NDEL1: variants seen among roughly 807,000 people sequenced by gnomAD.
The protein encoded by NDEL1 is nudE neurodevelopment protein 1 like 1, also known as nuclear distribution protein nudE-like 1.
In NDEL1, 9 loss-of-function variants were observed where a neutral mutation model predicts 45.7. The observed-to-expected ratio is 0.20, with a 90% CI of 0.12 to 0.34. The LOEUF is 0.34. Among genes scored for constraint, NDEL1 ranks in the 10% least tolerant of loss-of-function variants. The pLI, the probability that NDEL1 is intolerant of heterozygous loss-of-function variation, is 1.00. For missense variants in NDEL1, 306 were observed against 406.2 expected (o/e 0.75, Z 2.12); for synonymous variants, 133 against 158.6 (o/e 0.84, Z 1.21).
intron 4 of NDEL1, among the ~76,000 whole-genome samples, chr17:8,447,967 T>C (rs1372407418): frequency 2.0e-5 from 1 of 49,876 alleles, no homozygotes; most frequent in Non-Finnish European, 3.8e-5. Flanking sequence ...GCCAGATTGG[T>C]TGCGGGGAGG....
At chr17:8,461,696 C>A (rs16957296) in intron 8 of NDEL1, among the ~76,000 whole-genome samples, 1 of 152,108 alleles carries the variant, frequency 6.6e-6, no homozygotes, top group African/African-American at 2.4e-5. Context: ...TTTACATGAG[C>A]GTAGCCATTT....
chr17:8,421,262 G>A (rs1002031708), intron 1 of NDEL1, among the ~76,000 whole-genome samples: 9 of 152,146 alleles, frequency 5.9e-5, no homozygotes, highest in Non-Finnish European at 1.2e-4. Flanking sequence ...CAGAATAATA[G>A]GCCCCCCAAA....
chr17:8,428,023 T>C (rs1908882808), intron 1 of NDEL1, among the ~76,000 whole-genome samples: 1 of 152,214 alleles, frequency 6.6e-6, no homozygotes. Flanking sequence ...TATGAAGCCC[T>C]ATTTTCACTC....
At chr17:8,470,188 C>T (rs903915179), downstream of NDEL1, among the ~76,000 whole-genome samples, 9 of 152,160 alleles carry the variant, frequency 5.9e-5, no homozygotes, top group Admixed American at 5.2e-4. The surrounding 1 kb of genome is among the most constrained non-coding windows in gnomAD (Gnocchi z 4.2). Context: ...GTACCGTTTG[C>T]CTGTCTAGCT....
At chr17:8,418,160 TG>T (rs1239731775) in intron 1 of NDEL1, among the ~76,000 whole-genome samples, 1 of 152,216 alleles carries the variant, frequency 6.6e-6, no homozygotes, top group African/African-American at 2.4e-5. Flanking sequence ...AAAATCCTGT[TG>T]ACATCCCTTG....
chr17:8,414,120 G>A (rs964566830), intron 1 of NDEL1, among the ~76,000 whole-genome samples: 2 of 151,748 alleles, frequency 1.3e-5, no homozygotes, highest in African/African-American at 4.8e-5. Context: ...TATCTACCTT[G>A]TCCTTTTTAA....
At chr17:8,419,315 AAT>A (rs1237966686) in intron 1 of NDEL1, among the ~76,000 whole-genome samples, 2 of 152,366 alleles carry the variant, frequency 1.3e-5, no homozygotes, top group East Asian at 3.8e-4. Context: ...CAAAAAAGAA[AAT>A]ATGAATTACT....
At chr17:8,443,067 C>A (rs1380325943) in intron 1 of NDEL1, among the ~76,000 whole-genome samples, 1 of 152,198 alleles carries the variant, frequency 6.6e-6, no homozygotes, top group South Asian at 2.1e-4. Context: ...GCATGAGCCA[C>A]CACACCTAGC....
intron 1 of NDEL1, among the ~76,000 whole-genome samples, chr17:8,420,045 T>C (rs138235332): frequency 3.7e-4 from 57 of 152,336 alleles, no homozygotes; most frequent in African/African-American, 1.3e-3. Flanking sequence ...CGCAGTCTCA[T>C]GTGTCCTTGG....
rs760120865 is a variant in NDEL1, at chr17:8,450,843, G to C, written c.590G>C (p.Ser197Thr). The C allele has an allele frequency of 7.4e-6, 12 of 1,612,898 alleles. No individual in the cohort carries two copies. Among genetic ancestry groups the C allele is most frequent in the Middle Eastern group, 3.3e-4 (2 of 6,056 alleles). Residue 197 changes from serine to threonine, a missense_variant, in exon 6 of 9, where the codon AGC (serine) becomes ACC (threonine). Physicochemically the swap from Ser to Thr is moderately conservative, Grantham distance 58. Around this residue, in one of 3 missense-constraint regions of NDEL1, gnomAD observed 175 missense variants for 205.2 expected, o/e 0.85. Transcript: ENST00000334527. Reference protein sequence around the residue: ...QQEVTRKSAPSSPTLDCEKMD... With the variant: ...QQEVTRKSAPTSPTLDCEKMD... ...GAAGTAACTAGAAAGTCGGCTCCTA[G>C]CTCTCCAACTCTAGACTGTGAAAAG...
At chr17:8,428,595 C>T (rs1441935031) in intron 1 of NDEL1, among the ~76,000 whole-genome samples, 2 of 151,770 alleles carry the variant, frequency 1.3e-5, no homozygotes, top group Non-Finnish European at 2.9e-5. Context: ...GAACTCCTGA[C>T]CTCGTGATCT....
In NDEL1 at chr17:8,430,175, C is replaced by T. The variant is rs375747022; in HGVS notation, c.-12-14085C>T. 7.2e-5 allele frequency among the ~76,000 whole-genome samples: 11 copies of T among 152,110 alleles called. No individual in the cohort carries two copies. In the South Asian group the frequency reaches 1.7e-3, roughly 23 times the overall value. On this transcript the variant is annotated intron_variant, in intron 1 of 4. Transcript: ENST00000582812. ...GCAAAGGAAAATCTGTTTGGGGTTT[C>T]GGCATGTAGAGCTGGAGGTGGTGGT...
At chr17:8,417,412 C>G (rs991301826) in intron 1 of NDEL1, among the ~76,000 whole-genome samples, 3 of 152,156 alleles carry the variant, frequency 2.0e-5, no homozygotes, top group African/African-American at 7.2e-5. Context: ...TATATTGAAG[C>G]CCTTGAATTT....
At position 8,465,182 on chromosome 17, in the gene NDEL1, A is replaced by G. The variant is rs1480332874; in HGVS notation, c.945-1748A>G. Reference sequence around the variant, plus strand: ...TTTCTAGGAGAAGCAGGTGTCAGGGACTCTGGGACTAGCCAGACAGATGGA... The same window carrying G: ...TTTCTAGGAGAAGCAGGTGTCAGGGGCTCTGGGACTAGCCAGACAGATGGA... On this transcript the variant is annotated intron_variant, in intron 8 of 8. Coordinates refer to ENST00000334527, the MANE Select transcript of NDEL1 (RefSeq NM_030808.5). The surrounding 1 kb of genome is among the most constrained non-coding windows in gnomAD (Gnocchi z 4.9). 1 of 152,024 alleles carries G rather than the reference A, an allele frequency of 6.6e-6. No individual in the cohort carries two copies. Among genetic ancestry groups the G allele is most frequent in the African/African-American group, 2.4e-5 (1 of 41,344 alleles). 9.4% of individuals were successfully genotyped at this position (152,024 alleles called of 1,614,324 possible).
chr17:8,423,119 T>TG (rs1181254082), intron 1 of NDEL1, among the ~76,000 whole-genome samples: 32 of 152,342 alleles, frequency 2.1e-4, no homozygotes, highest in African/African-American at 7.7e-4. Context: ...TGTGATCCCA[T>TG]GTACTGTTAT....
chr17:8,443,952 G>A (rs1334608472), intron 1 of NDEL1: 4 of 206,790 alleles, frequency 1.9e-5, no homozygotes, highest in Admixed American at 5.8e-5. Context: ...TAAACCAACT[G>A]CTGCAACTCT....
chr17:8,463,610 G>A (rs1402908125), intron 8 of NDEL1, among the ~76,000 whole-genome samples: 1 of 152,228 alleles, frequency 6.6e-6, no homozygotes, highest in East Asian at 1.9e-4. Flanking sequence ...TGGCACGCCT[G>A]AGATGGGCTA....
At chr17:8,426,024 A>G (rs1030977558) in intron 1 of NDEL1, among the ~76,000 whole-genome samples, 1 of 152,144 alleles carries the variant, frequency 6.6e-6, no homozygotes, top group African/African-American at 2.4e-5. Context: ...TCCTGGCCTC[A>G]AGTGATCCTC....
At chr17:8,438,962 AGT>A (rs34568662) in intron 1 of NDEL1, among the ~76,000 whole-genome samples, 135,113 of 146,180 alleles carry the variant, frequency 0.92, 63,367 homozygotes, top group East Asian at 1. Context: ...TTTGAAACGG[AGT>A]CTCTCTCTGT....
Sources: gnomAD v4.1 joint callset for allele counts (sites outside exome capture counted in the v4.1 genomes callset) on GRCh38, gnomAD v4.1.1 for gene constraint, gnomAD v4.1.1 regional missense constraint, Gnocchi (gnomAD v3.1) non-coding constraint, MANE v1.5 for transcripts, NCBI Gene and HGNC (gene_info 2026-07-23, HGNC 2026-07-21) for gene names.